The following BMERB1 variants were observed in gnomAD, a reference collection of about 807,000 sequenced individuals.
BMERB1 encodes the protein bMERB domain containing 1.
A neutral mutation model predicts 23.6 loss-of-function variants in BMERB1; 12 were observed. That is an observed-to-expected ratio of 0.51 (90% CI 0.33 to 0.82). The LOEUF (loss-of-function observed/expected upper bound fraction) is 0.82. BMERB1 is among the 40% of genes least tolerant of loss of function. The pLI is 0.03. For missense variants in BMERB1, 247 were observed against 255.4 expected, an observed-to-expected ratio of 0.97 and a Z score of 0.22; for synonymous variants, 122 against 96.6, an observed-to-expected ratio of 1.26 and a Z score of -1.54.
intron 1 of BMERB1, among the ~76,000 whole-genome samples, chr16:15,502,902 C>T (rs1383922666): frequency 6.6e-6 from 1 of 151,990 alleles, no homozygotes; most frequent in African/African-American, 2.4e-5. Context: ...GATGGTGGCT[C>T]CAATTTTATT....
Position 15,531,198 on chromosome 16 carries a change from C to T in BMERB1, c.230+15770C>T, listed in dbSNP as rs1422781041. Among the ~76,000 whole-genome samples the T allele has an allele frequency of 6.6e-5, 10 of 152,068 alleles. No homozygotes were observed. In the South Asian group the frequency reaches 1.5e-3, roughly 22 times the overall value. ...TTGGGATTACAGGTGTGAGCCATCA[C>T]GCCCAGCCTTAAACCTCTTTTCTTT... On this transcript the variant is annotated intron_variant, in intron 2 of 5. Coordinates refer to ENST00000300006, the MANE Select transcript of BMERB1 (RefSeq NM_033201.3).
At chr16:15,484,301 T>A (rs1296021755) in intron 1 of BMERB1, among the ~76,000 whole-genome samples, 1 of 151,994 alleles carries the variant, frequency 6.6e-6, no homozygotes, top group African/African-American at 2.4e-5. Flanking sequence ...CTAGAAAGCA[T>A]CTCCCCCTTC....
intron 1 of BMERB1, among the ~76,000 whole-genome samples, chr16:15,483,814 T>C (rs1005102475): frequency 6.6e-6 from 1 of 152,144 alleles, no homozygotes; most frequent in Non-Finnish European, 1.5e-5. Context: ...ACCTCAAGGG[T>C]TGCTGTGAGG....
intron 1 of BMERB1, among the ~76,000 whole-genome samples, chr16:15,459,355 A>C (rs982923531): frequency 6.6e-6 from 1 of 152,042 alleles, no homozygotes; most frequent in Non-Finnish European, 1.5e-5. Flanking sequence ...AAAAAAAAAA[A>C]CACCAGGATC....
chr16:15,525,839 A>G (rs760515238), intron 2 of BMERB1, among the ~76,000 whole-genome samples: 11 of 152,132 alleles, frequency 7.2e-5, no homozygotes, highest in Non-Finnish European at 1.6e-4. Flanking sequence ...TTTCATTTGG[A>G]TAGTTTATCA....
chr16:15,457,938 C>G (rs948498474), intron 1 of BMERB1, among the ~76,000 whole-genome samples: 5 of 152,134 alleles, frequency 3.3e-5, no homozygotes, highest in African/African-American at 1.2e-4. Context: ...AGAGAAAGAA[C>G]GAGCAAGAAC....
chr16:15,515,447 TGG>T lies in BMERB1; in HGVS notation c.230+20_230+21del. 1 of 1,611,282 alleles carries T rather than the reference TGG, an allele frequency of 6.2e-7. No homozygotes were observed. Among genetic ancestry groups the T allele is most frequent in the Non-Finnish European group, 8.5e-7 (1 of 1,178,668 alleles). Reference sequence around the variant, plus strand: ...GGTTCATGTGAGTGTTTTGGGGATGTGGCCAAGGAAAGAAGTGTGTGGAGGAG... The same window carrying T: ...GGTTCATGTGAGTGTTTTGGGGATGTCCAAGGAAAGAAGTGTGTGGAGGAG... On this transcript the variant is annotated intron_variant, in intron 2 of 5. Coordinates refer to ENST00000300006, the MANE Select transcript of BMERB1 (RefSeq NM_033201.3).
intron 2 of BMERB1, among the ~76,000 whole-genome samples, chr16:15,552,914 CT>C (rs2030136678): frequency 6.6e-6 from 1 of 152,190 alleles, no homozygotes. Context: ...TGGCTCACCC[CT>C]GTTATCTCAG....
intron 1 of BMERB1, among the ~76,000 whole-genome samples, chr16:15,499,435 G>A (rs153785): frequency 0.56 from 85,725 of 151,828 alleles, 26,528 homozygotes; most frequent in Middle Eastern, 0.73. Context: ...AAAAGTCAAC[G>A]GCATCAAATG....
intron 5 of BMERB1, 55 bp from the exon 6 acceptor site, chr16:15,586,662 C>T (rs1338643327): frequency 2.8e-6 from 4 of 1,415,892 alleles, no homozygotes; most frequent in Middle Eastern, 1.7e-4. Flanking sequence ...GCTCACCTCA[C>T]CTCTCTCTCT....
At chr16:15,494,246 A>AT (rs2051451389) in intron 1 of BMERB1, among the ~76,000 whole-genome samples, 1 of 152,152 alleles carries the variant, frequency 6.6e-6, no homozygotes, top group African/African-American at 2.4e-5. Flanking sequence ...AATTTCCACA[A>AT]TTTTAATTCC....
intron 2 of BMERB1, among the ~76,000 whole-genome samples, chr16:15,567,222 C>G (rs2030595398): frequency 1.2e-5 from 1 of 86,324 alleles, no homozygotes; most frequent in Non-Finnish European, 2.1e-5. Flanking sequence ...TAAACATTTT[C>G]AAAATAAAAA....
In BMERB1 at chr16:15,480,116, T is replaced by G. The variant is rs191962576; in HGVS notation, c.107-35189T>G. Among the ~76,000 whole-genome samples the G allele has an allele frequency of 2.1e-3, 318 of 150,756 alleles. 1 individual carries two copies. Among genetic ancestry groups the G allele is most frequent in the South Asian group, 3.3e-3 (16 of 4,802 alleles). ...GCATGAAATAGAGATCTGATTTTAT[T>G]AATTTTTTTTTTTGGAGATGGAGTC... is the stretch of plus-strand genomic sequence containing the variant. On this transcript the variant is annotated intron_variant, in intron 1 of 5. Coordinates refer to ENST00000300006, the MANE Select transcript of BMERB1 (RefSeq NM_033201.3).
At chr16:15,578,934 C>T (rs535614473) in intron 3 of BMERB1, among the ~76,000 whole-genome samples, 17 of 152,256 alleles carry the variant, frequency 1.1e-4, no homozygotes, top group African/African-American at 4.1e-4. Flanking sequence ...CAGCATTGGC[C>T]AATGACTTGG....
chr16:15,566,354 A>G (rs868448003), intron 2 of BMERB1, among the ~76,000 whole-genome samples: 4 of 152,196 alleles, frequency 2.6e-5, no homozygotes, highest in Non-Finnish European at 5.9e-5. Context: ...CCGGAGGGCA[A>G]TTTGGAAATT....
At position 15,533,410 on chromosome 16, in the gene BMERB1, T is replaced by C. The variant is rs78708831; in HGVS notation, c.230+17982T>C. Among the ~76,000 whole-genome samples the C allele has an allele frequency of 2.6e-5, 4 of 151,530 alleles. No individual in the cohort carries two copies. The East Asian group carries it at 7.7e-4, about 29-fold the overall frequency. ...TCGTTTCTTTCTTTTTTTTTTTTTT[T>C]CCTGAGATAGAGTCTATTGTGTTGC... is the stretch of plus-strand genomic sequence containing the variant. On this transcript the variant is annotated intron_variant, in intron 2 of 5. Coordinates refer to ENST00000300006, the MANE Select transcript of BMERB1 (RefSeq NM_033201.3).
chr16:15,558,012 CCAGCCTGGGCAA>C (rs2150968575), intron 2 of BMERB1, among the ~76,000 whole-genome samples: 1 of 152,174 alleles, frequency 6.6e-6, no homozygotes, highest in South Asian at 2.1e-4. Flanking sequence ...CCACTGCACT[CCAGCCTGGGCAA>C]CAGAGCTAGA....
chr16:15,457,581 C>T (rs1474834638), intron 1 of BMERB1, among the ~76,000 whole-genome samples: 2 of 152,156 alleles, frequency 1.3e-5, no homozygotes, highest in Non-Finnish European at 2.9e-5. Context: ...CTTCCTCTCC[C>T]TCCACGTGCC....
chr16:15,563,688 G>A (rs1182098062), intron 2 of BMERB1, among the ~76,000 whole-genome samples: 2 of 152,114 alleles, frequency 1.3e-5, no homozygotes, highest in African/African-American at 4.8e-5. Context: ...GCTGGAGAAG[G>A]AACAAGAGAG....
Sources: gnomAD v4.1 joint callset for allele counts (sites outside exome capture counted in the v4.1 genomes callset) on GRCh38, gnomAD v4.1.1 for gene constraint, MANE v1.5 for transcripts, NCBI Gene and HGNC (gene_info 2026-07-23, HGNC 2026-07-21) for gene names.